Variants in SMAP1 observed in about 807,000 individuals in gnomAD.
SMAP1 encodes small ArfGAP 1.
A neutral mutation model predicts 58.5 loss-of-function variants in SMAP1; 24 were observed. That is an observed-to-expected ratio of 0.41 (90% CI 0.30 to 0.58). The LOEUF (loss-of-function observed/expected upper bound fraction) is 0.58, where lower values mean the gene tolerates loss of function less well. SMAP1 is among the 20% of genes least tolerant of loss of function. SMAP1 has a pLI of 0.29. For missense variants in SMAP1, 563 were observed against 566.3 expected (o/e 0.99, Z 0.06); for synonymous variants, 216 against 196.6 (o/e 1.10, Z -0.82).
chr6:70,750,860 C>G (rs1344597240), intron 2 of SMAP1, among the ~76,000 whole-genome samples: 1 of 152,070 alleles, frequency 6.6e-6, no homozygotes, highest in African/African-American at 2.4e-5. Flanking sequence ...TAAAAAAGTG[C>G]AGTACAAAAT....
chr6:70,752,619 A>G (rs59540594), intron 2 of SMAP1, among the ~76,000 whole-genome samples: 3,332 of 152,130 alleles, frequency 0.022, 99 homozygotes, highest in African/African-American at 0.073. Context: ...GAGGACAGCT[A>G]GTTTGCCCCA....
rs564829646 is a variant in SMAP1, at chr6:70,848,515, C to T, written c.665-4025C>T. Among the ~76,000 whole-genome samples, 13 of 152,220 alleles carry T rather than the reference C, an allele frequency of 8.5e-5. 1 individual carries two copies. The East Asian group carries it at 2.5e-3, about 29-fold the overall frequency. Reference sequence around the variant, plus strand: ...GAAATGTGGTTTAAAGAGCTCTAGTCTAGATGTGAGAAGACTCTGTTCTGG... The same window carrying T: ...GAAATGTGGTTTAAAGAGCTCTAGTTTAGATGTGAGAAGACTCTGTTCTGG... On this transcript the variant is annotated intron_variant, in intron 7 of 10. Coordinates refer to ENST00000370455, the MANE Select transcript of SMAP1 (RefSeq NM_001044305.3).
At chr6:70,782,757 A>G (rs1008352125) in intron 4 of SMAP1, among the ~76,000 whole-genome samples, 1 of 152,038 alleles carries the variant, frequency 6.6e-6, no homozygotes, top group South Asian at 2.1e-4. Context: ...TGAGGGCTTT[A>G]TTGTTCTTTG....
chr6:70,764,079 A>AT lies in SMAP1; in HGVS notation c.338+9029dup, dbSNP rs796149089. ...ACATGCACACTACCATGCCCAGCTA[A>AT]TTTTTTTTTTTTTTTGTAAAGATGG... On this transcript the variant is annotated intron_variant, in intron 3 of 10. Coordinates refer to ENST00000370455, the MANE Select transcript of SMAP1 (RefSeq NM_001044305.3). Among the ~76,000 whole-genome samples, 856 of 142,878 alleles carry AT rather than the reference A, an allele frequency of 6.0e-3. 4 individuals carry two copies. Among genetic ancestry groups the AT allele is most frequent in the East Asian group, 8.3e-3 (41 of 4,928 alleles). 93.7% of individuals were successfully genotyped at this position (142,878 alleles called of 152,430 possible).
chr6:70,670,059 T>C (rs747001467), intron 1 of SMAP1, among the ~76,000 whole-genome samples: 2 of 152,122 alleles, frequency 1.3e-5, no homozygotes, highest in African/African-American at 2.4e-5. Flanking sequence ...ATAGGAAGTA[T>C]TCGTTTTGCT....
intron 7 of SMAP1, among the ~76,000 whole-genome samples, chr6:70,849,767 C>CA (rs1215955654): frequency 2.0e-5 from 3 of 152,150 alleles, no homozygotes; most frequent in Non-Finnish European, 4.4e-5. Context: ...AAATATTTTA[C>CA]AATGTATAAT....
At chr6:70,823,974 C>G (rs1287872246) in intron 6 of SMAP1, among the ~76,000 whole-genome samples, 3 of 151,714 alleles carry the variant, frequency 2.0e-5, no homozygotes, top group African/African-American at 7.3e-5. Context: ...CCTGGATCCC[C>G]TGAAGTTTTA....
chr6:70,732,433 A>G lies in SMAP1; in HGVS notation c.174A>G (p.Gly58=), dbSNP rs1217329637. The G allele has an allele frequency of 1.9e-6, 3 of 1,612,834 alleles. No individual in the cohort carries two copies. The highest frequency in any genetic ancestry group is 2.5e-6 in the Non-Finnish European group (3 of 1,179,286). ...IGVFICIRCA[G]IHRNLGVHIS... is the part of the protein sequence containing the mutation. The stretch of plus-strand genomic sequence containing the variant: ...TGTTTATTTGCATCAGATGTGCTGG[A>G]ATTCATAGAAATCTTGGGGTTCATA... The change falls in exon 2 of 11, where the codon GGA becomes GGG. Residue 58 remains glycine, a synonymous_variant. Transcript: ENST00000370455.
chr6:70,759,079 A>C (rs1389976403), intron 3 of SMAP1, among the ~76,000 whole-genome samples: 3 of 152,088 alleles, frequency 2.0e-5, no homozygotes, highest in African/African-American at 2.4e-5. Flanking sequence ...ATGTTTACCT[A>C]GGGCAGCAGT....
At chr6:70,816,961 A>G (rs1215172861) in intron 6 of SMAP1, among the ~76,000 whole-genome samples, 13 of 151,992 alleles carry the variant, frequency 8.6e-5, no homozygotes, top group Admixed American at 7.9e-4. Context: ...AAAGAAGCAA[A>G]TGTCTATTTC....
intron 1 of SMAP1, among the ~76,000 whole-genome samples, chr6:70,690,336 C>T (rs770792120): frequency 1.3e-5 from 2 of 151,480 alleles, no homozygotes; most frequent in Non-Finnish European, 2.9e-5. Flanking sequence ...GACGGACTTT[C>T]GCTCTTGTTG....
intron 2 of SMAP1, among the ~76,000 whole-genome samples, chr6:70,737,901 T>G (rs1330736123): frequency 2.0e-5 from 3 of 152,204 alleles, no homozygotes; most frequent in African/African-American, 7.2e-5. Flanking sequence ...CGCTTTAAAA[T>G]TCCAAAAATA....
At chr6:70,856,703 C>A in intron 8 of SMAP1, 156 bp from the exon 9 acceptor site, 1 of 629,662 alleles carries the variant, frequency 1.6e-6, no homozygotes, top group Non-Finnish European at 2.6e-6. Flanking sequence ...TTTATATGGG[C>A]TTGGGCTTGT....
intron 8 of SMAP1, among the ~76,000 whole-genome samples, chr6:70,854,724 T>G (rs1286342396): frequency 6.6e-6 from 1 of 152,140 alleles, no homozygotes; most frequent in Admixed American, 6.6e-5. Flanking sequence ...ACCATGTAAT[T>G]TAGTCATTTT....
intron 7 of SMAP1, among the ~76,000 whole-genome samples, chr6:70,845,826 G>C (rs535087987): frequency 5.4e-4 from 82 of 152,342 alleles, no homozygotes; most frequent in African/African-American, 1.9e-3. Flanking sequence ...GATGCACTGA[G>C]GTTTGGACAG....
chr6:70,849,224 C>A (rs1340082283), intron 7 of SMAP1, among the ~76,000 whole-genome samples: 1 of 152,098 alleles, frequency 6.6e-6, no homozygotes, highest in Admixed American at 6.6e-5. Flanking sequence ...ACAGTGTCAG[C>A]CTTGCCACAA....
intron 6 of SMAP1, among the ~76,000 whole-genome samples, chr6:70,813,338 A>G (rs1483024962): frequency 6.6e-6 from 1 of 152,150 alleles, no homozygotes; most frequent in African/African-American, 2.4e-5. Flanking sequence ...CCCATTTATT[A>G]TTCCATCCTT....
chr6:70,708,205 A>C (rs1467038567), intron 1 of SMAP1, among the ~76,000 whole-genome samples: 1 of 152,070 alleles, frequency 6.6e-6, no homozygotes, highest in African/African-American at 2.4e-5. Flanking sequence ...CATATACGTG[A>C]GATTATACAA....
At chr6:70,762,646 C>T (rs889459927) in intron 3 of SMAP1, among the ~76,000 whole-genome samples, 8 of 152,050 alleles carry the variant, frequency 5.3e-5, no homozygotes, top group African/African-American at 1.9e-4. Flanking sequence ...CTTGGATTGC[C>T]TTTTAAAAAG....
Sources: gnomAD v4.1 joint callset for allele counts (sites outside exome capture counted in the v4.1 genomes callset) on GRCh38, gnomAD v4.1.1 for gene constraint, MANE v1.5 for transcripts, NCBI Gene and HGNC (gene_info 2026-07-23, HGNC 2026-07-21) for gene names.